TMPRSS15: variants seen among roughly 807,000 people sequenced by gnomAD.
TMPRSS15 encodes the protein enteropeptidase.
Under a neutral mutation model 125.3 loss-of-function variants are expected in TMPRSS15, and 128 were observed. The ratio of observed to expected loss-of-function variants is 1.02; its 90% CI spans 0.89 to 1.18. The LOEUF is 1.18. Ranked by LOEUF, TMPRSS15 falls within the 50% of genes most tolerant of loss-of-function variation. The probability of loss-of-function intolerance (pLI) is 0.00; values close to 1 mark genes in which losing one functional copy is unlikely to be tolerated. For synonymous variants in TMPRSS15, 446 were observed against 423.2 expected (o/e 1.05, Z -0.66); for missense variants, 1,283 against 1,212.7 (o/e 1.06, Z -0.86).
intron 8 of TMPRSS15, among the ~76,000 whole-genome samples, chr21:18,358,800 C>A (rs1219143205): frequency 6.7e-6 from 1 of 150,142 alleles, no homozygotes; most frequent in African/African-American, 2.5e-5. Flanking sequence ...GAGTATCACA[C>A]AACAATACCT....
intron 19 of TMPRSS15, among the ~76,000 whole-genome samples, chr21:18,297,256 C>G (rs1227921841): frequency 2.6e-5 from 4 of 152,134 alleles, no homozygotes; most frequent in Non-Finnish European, 4.4e-5. Context: ...GATGAAAGGT[C>G]TAGACTTCTT....
intron 6 of TMPRSS15, among the ~76,000 whole-genome samples, chr21:18,371,647 C>A (rs988417714): frequency 6.6e-6 from 1 of 152,072 alleles, no homozygotes; most frequent in Non-Finnish European, 1.5e-5. Context: ...GCATTAAGTT[C>A]TTATTCATAT....
At position 18,464,371 on chromosome 21, in the gene TMPRSS15, C is replaced by T. The variant is rs2122954545; in HGVS notation, c.10+21428G>A. Among the ~76,000 whole-genome samples, 8 of 151,478 alleles carry T rather than the reference C, an allele frequency of 5.3e-5. No individual in the cohort carries two copies. In the East Asian group the frequency reaches 5.8e-4, roughly 11 times the overall value. Reference sequence around the variant, plus strand: ...AAAGAACTAGAGAAGCAAGAGCAAACGTATTTAAAAGCTAGCAGAAGACAA... The same window carrying T: ...AAAGAACTAGAGAAGCAAGAGCAAATGTATTTAAAAGCTAGCAGAAGACAA... On this transcript the variant is annotated intron_variant, in intron 1 of 7. Transcript: ENST00000422787.
chr21:18,288,528 CTTTTTTTTTTT>C (rs149147539), intron 21 of TMPRSS15, among the ~76,000 whole-genome samples: 1 of 96,936 alleles, frequency 1.0e-5, no homozygotes, highest in South Asian at 4.3e-4. Context: ...AATGCTCTTC[CTTTTTTTTTTT>C]TTTTTTTTTT....
chr21:18,308,500 A>G (rs1288061570), intron 18 of TMPRSS15, among the ~76,000 whole-genome samples: 2 of 152,152 alleles, frequency 1.3e-5, no homozygotes, highest in East Asian at 3.8e-4. Context: ...TAAAAGTAGG[A>G]ATAGAAAGAA....
chr21:18,359,657 G>A, intron 8 of TMPRSS15, 100 bp downstream of exon 8: 1 of 603,876 alleles, frequency 1.7e-6, no homozygotes, highest in Non-Finnish European at 3.0e-6. Context: ...TAAGTTTCAA[G>A]TCCATATTCA....
intron 21 of TMPRSS15, among the ~76,000 whole-genome samples, chr21:18,287,480 A>C (rs1476226735): frequency 1.3e-5 from 2 of 152,182 alleles, no homozygotes; most frequent in Non-Finnish European, 2.9e-5. Context: ...GGTTATGCAA[A>C]ATAACTAAGA....
At chr21:18,317,405 A>T (rs1049351360) in intron 16 of TMPRSS15, among the ~76,000 whole-genome samples, 3 of 146,406 alleles carry the variant, frequency 2.0e-5, no homozygotes, top group African/African-American at 7.4e-5. Flanking sequence ...GTATTTTTCT[A>T]AAAAATATAT....
intron 16 of TMPRSS15, among the ~76,000 whole-genome samples, chr21:18,321,508 A>G (rs2075236622): frequency 2.0e-5 from 3 of 151,690 alleles, no homozygotes; most frequent in Non-Finnish European, 4.4e-5. Context: ...GCCTGCCACC[A>G]CGCCCAGCTA....
At chr21:18,372,367 G>C in intron 5 of TMPRSS15, 43 bp from the exon 6 acceptor site, 1 of 1,592,602 alleles carries the variant, frequency 6.3e-7, no homozygotes, top group Non-Finnish European at 8.6e-7. Flanking sequence ...GATGAGATAT[G>C]TACAATGTTT....
chr21:18,370,414 C>T (rs960102188), intron 6 of TMPRSS15, among the ~76,000 whole-genome samples: 2 of 152,062 alleles, frequency 1.3e-5, no homozygotes, highest in Non-Finnish European at 2.9e-5. Flanking sequence ...TATTGATCAT[C>T]ATTATATTGG....
At chr21:18,449,558 C>A (rs1363858716) in intron 1 of TMPRSS15, among the ~76,000 whole-genome samples, 2 of 152,000 alleles carry the variant, frequency 1.3e-5, no homozygotes, top group Non-Finnish European at 2.9e-5. Flanking sequence ...TTTTATGTTC[C>A]TCTGTAAGAT....
chr21:18,365,724 C>T (rs1414428355), intron 6 of TMPRSS15, among the ~76,000 whole-genome samples: 1 of 119,306 alleles, frequency 8.4e-6, no homozygotes, highest in African/African-American at 3.2e-5. Flanking sequence ...CTCTTTCTTT[C>T]TCTTCTTTCT....
chr21:18,369,401 C>T (rs1239923950), intron 6 of TMPRSS15, among the ~76,000 whole-genome samples: 5 of 152,104 alleles, frequency 3.3e-5, no homozygotes, highest in Non-Finnish European at 2.9e-5. Context: ...GGCTTAAAGG[C>T]TGTGAATCAG....
At chr21:18,374,459 G>C (rs1172274944) in intron 5 of TMPRSS15, among the ~76,000 whole-genome samples, 2 of 113,206 alleles carry the variant, frequency 1.8e-5, no homozygotes, top group Non-Finnish European at 3.3e-5. Context: ...CGGCCTGGGC[G>C]ACAGAGCGAG....
chr21:18,370,719 C>T (rs1325683233), intron 6 of TMPRSS15, among the ~76,000 whole-genome samples: 1 of 152,122 alleles, frequency 6.6e-6, no homozygotes, highest in Non-Finnish European at 1.5e-5. Flanking sequence ...AGAACATTTG[C>T]ATCGGGATTG....
intron 6 of TMPRSS15, among the ~76,000 whole-genome samples, chr21:18,369,148 T>C (rs1300631564): frequency 2.0e-5 from 3 of 152,168 alleles, no homozygotes; most frequent in Non-Finnish European, 4.4e-5. Context: ...AGCCATTCGA[T>C]TGCACTATCA....
chr21:18,347,415 T>C (rs2075520321), intron 10 of TMPRSS15, among the ~76,000 whole-genome samples: 1 of 152,114 alleles, frequency 6.6e-6, no homozygotes, highest in Non-Finnish European at 1.5e-5. Context: ...TTTTGTATTT[T>C]TAGTAGAGAT....
At chr21:18,444,324 T>C (rs1405294970) in intron 1 of TMPRSS15, among the ~76,000 whole-genome samples, 1 of 152,204 alleles carries the variant, frequency 6.6e-6, no homozygotes, top group African/African-American at 2.4e-5. Context: ...TTATTTCGTG[T>C]CCTTTACAGG....
Sources: gnomAD v4.1 joint callset for allele counts (sites outside exome capture counted in the v4.1 genomes callset) on GRCh38, gnomAD v4.1.1 for gene constraint, MANE v1.5 for transcripts, NCBI Gene and HGNC (gene_info 2026-07-23, HGNC 2026-07-21) for gene names.